Variants in CNTLN observed in about 807,000 individuals in gnomAD.
The protein encoded by CNTLN is centlein, centrosomal protein.
CNTLN carries 212 observed loss-of-function variants against 180.0 expected under a neutral mutation model. The observed-to-expected ratio is 1.18, with a 90% CI of 1.05 to 1.32. The LOEUF is 1.32. Among genes scored for constraint, CNTLN ranks in the 40% most tolerant of loss-of-function variants. The probability of loss-of-function intolerance (pLI) is 0.00; values close to 1 mark genes in which losing one functional copy is unlikely to be tolerated. For synonymous variants in CNTLN, 722 were observed against 563.1 expected (o/e 1.28, Z -3.99); for missense variants, 2,095 against 1,610.9 (o/e 1.30, Z -5.14).
rs771196926 is a variant in CNTLN at position 17,340,840 on chromosome 9, A to T, written c.1658A>T (p.Asp553Val). Residue 553 changes from aspartate (D) to valine (V), a missense_variant, in exon 11 of 26, where the codon GAT becomes GTT. Physicochemically the swap from Asp to Val is radical, Grantham distance 152. Transcript: ENST00000380647. The part of the protein sequence containing the change: ...KALQLKSQEN[D>V]ELRDAHEKRK... The stretch of plus-strand genomic sequence containing the variant: ...TGTGTTCTACAGAGCCAAGAAAATG[A>T]TGAGCTAAGAGATGCCCATGAAAAA... The T allele has an allele frequency of 2.5e-6, 4 of 1,610,350 alleles. No homozygotes were observed. Among genetic ancestry groups the T allele is most frequent in the Non-Finnish European group, 3.4e-6 (4 of 1,178,222 alleles).
chr9:17,480,108 T>C (rs1310579708), intron 23 of CNTLN, among the ~76,000 whole-genome samples: 1 of 152,106 alleles, frequency 6.6e-6, no homozygotes, highest in Non-Finnish European at 1.5e-5. Context: ...GGATGATCAC[T>C]TGAGCCTAGG....
intron 5 of CNTLN, among the ~76,000 whole-genome samples, chr9:17,248,266 G>A (rs932408675): frequency 6.6e-6 from 1 of 152,010 alleles, no homozygotes; most frequent in Non-Finnish European, 1.5e-5. Context: ...GAGTTAGGAT[G>A]TATTTACATC....
intron 8 of CNTLN, among the ~76,000 whole-genome samples, chr9:17,311,502 T>A (rs987787170): frequency 6.7e-6 from 1 of 150,342 alleles, no homozygotes; most frequent in African/African-American, 2.4e-5. Context: ...CCCAGGAGGC[T>A]TTTTCTGTTA....
intron 2 of CNTLN, among the ~76,000 whole-genome samples, chr9:17,156,593 T>A (rs1252319485): frequency 6.6e-6 from 1 of 152,196 alleles, no homozygotes; most frequent in East Asian, 1.9e-4. Context: ...TGTAGTACTC[T>A]GTACCCTATA....
intron 18 of CNTLN, among the ~76,000 whole-genome samples, chr9:17,431,184 T>A (rs1401608752): frequency 6.6e-6 from 1 of 152,166 alleles, no homozygotes; most frequent in Non-Finnish European, 1.5e-5. Context: ...GTATGAAAAT[T>A]CCCTTTTCTC....
chr9:17,392,878 A>G (rs1238084133), intron 14 of CNTLN, among the ~76,000 whole-genome samples: 5 of 152,152 alleles, frequency 3.3e-5, no homozygotes, highest in Non-Finnish European at 7.3e-5. Flanking sequence ...TTACATCTTC[A>G]CTATTACAAG....
At chr9:17,439,959 A>G (rs912703601) in intron 18 of CNTLN, among the ~76,000 whole-genome samples, 3 of 152,234 alleles carry the variant, frequency 2.0e-5, no homozygotes, top group East Asian at 3.9e-4. Flanking sequence ...CATGCAGTCT[A>G]TGATAATTTA....
intron 18 of CNTLN, among the ~76,000 whole-genome samples, chr9:17,422,487 T>G (rs890651189): frequency 6.6e-6 from 1 of 152,214 alleles, no homozygotes; most frequent in African/African-American, 2.4e-5. Flanking sequence ...TCAAGTCTGC[T>G]GTTGAGAGAC....
intron 5 of CNTLN, among the ~76,000 whole-genome samples, chr9:17,272,009 T>A (rs1360634522): frequency 6.6e-6 from 1 of 151,864 alleles, no homozygotes; most frequent in African/African-American, 2.4e-5. Context: ...GCTAGGATAG[T>A]GTCCCCTCCC....
intron 8 of CNTLN, among the ~76,000 whole-genome samples, chr9:17,327,418 TC>T (rs1820376217): frequency 6.6e-6 from 1 of 150,926 alleles, no homozygotes; most frequent in Admixed American, 6.6e-5. Flanking sequence ...TCTCCTGACC[TC>T]GTGATCCGCT....
intron 18 of CNTLN, among the ~76,000 whole-genome samples, chr9:17,450,489 T>G (rs183125294): frequency 6.8e-4 from 103 of 152,334 alleles, no homozygotes; most frequent in Non-Finnish European, 1.8e-4. Flanking sequence ...TGCTTATTAT[T>G]CATGCACAAT....
intron 2 of CNTLN, among the ~76,000 whole-genome samples, chr9:17,223,406 T>C (rs991824077): frequency 6.6e-6 from 1 of 152,002 alleles, no homozygotes; most frequent in African/African-American, 2.4e-5. Flanking sequence ...TCTTGGATGT[T>C]GATTAGGCAT....
intron 2 of CNTLN, among the ~76,000 whole-genome samples, chr9:17,223,328 C>G (rs1824265210): frequency 6.6e-6 from 1 of 151,976 alleles, no homozygotes; most frequent in South Asian, 2.1e-4. Context: ...TTGGATGACT[C>G]CTAAAGTTGT....
intron 23 of CNTLN, among the ~76,000 whole-genome samples, chr9:17,468,967 A>G (rs1005954930): frequency 6.6e-6 from 1 of 151,770 alleles, no homozygotes; most frequent in African/African-American, 2.4e-5. Context: ...TTCAAAGATT[A>G]TATAATAGGG....
intron 8 of CNTLN, among the ~76,000 whole-genome samples, chr9:17,322,706 C>G (rs1820000737): frequency 6.6e-6 from 1 of 151,956 alleles, no homozygotes; most frequent in South Asian, 2.1e-4. Context: ...GCTGGTTTGC[C>G]ATCTGGGTGC....
At chr9:17,505,521 A>G (rs559792905), downstream of CNTLN, among the ~76,000 whole-genome samples, 31 of 152,330 alleles carry the variant, frequency 2.0e-4, no homozygotes, top group African/African-American at 6.7e-4. Flanking sequence ...GAAATTAAAA[A>G]TACAATACAA....
At chr9:17,501,809 A>G (rs1833766530) in intron 25 of CNTLN, among the ~76,000 whole-genome samples, 1 of 152,224 alleles carries the variant, frequency 6.6e-6, no homozygotes, top group Admixed American at 6.5e-5. Context: ...AGAAATTTCT[A>G]GGATTCAGAA....
intron 18 of CNTLN, among the ~76,000 whole-genome samples, chr9:17,420,424 C>A (rs1437604791): frequency 6.6e-6 from 1 of 151,990 alleles, no homozygotes; most frequent in African/African-American, 2.4e-5. Flanking sequence ...GCTTTTTCAC[C>A]TCTGATATTA....
Position 17,164,525 on chromosome 9 carries a change from C to T in CNTLN, c.449+21149C>T, listed in dbSNP as rs568794075. Among the ~76,000 whole-genome samples, 644 of 122,530 alleles carry T rather than the reference C, an allele frequency of 5.3e-3. 6 individuals carry two copies. Among genetic ancestry groups the T allele is most frequent in the Middle Eastern group, 0.041 (6 of 146 alleles). 80.4% of individuals were successfully genotyped at this position (122,530 alleles called of 152,430 possible). ...TGTTGCCCAGGCTGGAGTGGAGTGA[C>T]GCTACCTCGGCTCACTGTGACCTCT... On this transcript the variant is annotated intron_variant, in intron 2 of 25. Transcript: ENST00000380647.
Sources: gnomAD v4.1 joint callset for allele counts (sites outside exome capture counted in the v4.1 genomes callset) on GRCh38, gnomAD v4.1.1 for gene constraint, MANE v1.5 for transcripts, NCBI Gene and HGNC (gene_info 2026-07-23, HGNC 2026-07-21) for gene names.